MDM2: variants seen among roughly 807,000 people sequenced by gnomAD.
MDM2 encodes E3 ubiquitin-protein ligase Mdm2.
In MDM2, 11 loss-of-function variants were observed where a neutral mutation model predicts 64.3. That is an observed-to-expected ratio of 0.17 (90% confidence interval 0.11 to 0.28). The LOEUF (loss-of-function observed/expected upper bound fraction) is 0.28. Among genes scored for constraint, MDM2 ranks in the 10% least tolerant of loss-of-function variants. MDM2 has a pLI of 1.00. For synonymous variants in MDM2, 194 were observed against 192.9 expected, an observed-to-expected ratio of 1.01 and a Z score of -0.05; for missense variants, 388 against 577.1, an observed-to-expected ratio of 0.67 and a Z score of 3.36.
chr12:68,844,168 ATGAT>A lies in MDM2; in HGVS notation c.*4321_*4324del, dbSNP rs1884062442. The A allele has an allele frequency of 4.8e-6, 1 of 207,748 alleles. No individual in the cohort carries two copies. The highest frequency in any genetic ancestry group is 2.3e-5 in the African/African-American group (1 of 43,912). 12.9% of individuals were successfully genotyped at this position (207,748 alleles called of 1,614,324 possible). A position where few individuals can be genotyped will look rare whatever the true frequency, so the allele number is the denominator to read the frequency against. ...TTTATAGTACACGTGTTGAAAATAA[ATGAT>A]TAAGAATTGTTTCAAGAATGCAATT... On this transcript the variant is annotated 3_prime_UTR_variant, in exon 11 of 11. Coordinates refer to ENST00000258149, the MANE Select transcript of MDM2 (RefSeq NM_002392.6).
intron 4 of MDM2, 22 bp from the exon 5 acceptor site, chr12:68,820,303 T>G: frequency 6.8e-7 from 1 of 1,469,082 alleles, no homozygotes; most frequent in Non-Finnish European, 9.3e-7. Context: ...CTCTTGTTAT[T>G]TTTTTTTTTT....
chr12:68,808,617 G>A, intron 1 of MDM2, 126 bp downstream of exon 1: 5 of 1,384,854 alleles, frequency 3.6e-6, no homozygotes, highest in East Asian at 2.6e-5. Flanking sequence ...CTCGGGGCGC[G>A]GGGCGCGGGG....
rs961939630 is a variant in MDM2 at position 68,844,758 on chromosome 12, G to T, written c.*4909G>T. Reference sequence around the variant, plus strand: ...AAGATTTTTTAAATCCTTAATAAGGGTTTTATTTTATTTTTATTTATTTTT... The same window carrying T: ...AAGATTTTTTAAATCCTTAATAAGGTTTTTATTTTATTTTTATTTATTTTT... On this transcript the variant is annotated 3_prime_UTR_variant, in exon 11 of 11. Transcript: ENST00000258149. 1.4e-4 allele frequency: 30 copies of T among 207,532 alleles called. No homozygotes were observed. The highest frequency in any genetic ancestry group is 2.8e-4 in the Non-Finnish European group (29 of 101,862). 12.9% of individuals were successfully genotyped at this position (207,532 alleles called of 1,614,324 possible). A position where few individuals can be genotyped will look rare whatever the true frequency, so the allele number is the denominator to read the frequency against.
chr12:68,839,349 C>A lies in MDM2; in HGVS notation c.994C>A (p.Arg332Ser), dbSNP rs773519801. ...PSHCNRCWAL[R>S]ENWLPEDKGK... ...ACATTGCAACAGATGTTGGGCCCTT[C>A]GTGAGAATTGGCTTCCTGAAGATAA... The change falls in exon 11 of 11, where the codon CGT becomes AGT. Residue 332 changes from arginine (R) to serine (S), a missense_variant. Around this residue, in one of 5 missense-constraint regions of MDM2, gnomAD observed 138 missense variants for 143.7 expected, o/e 0.96. Coordinates refer to ENST00000258149, the MANE Select transcript of MDM2 (RefSeq NM_002392.6). The A allele has an allele frequency of 6.2e-7, 1 of 1,613,810 alleles. No individual in the cohort carries two copies. Among genetic ancestry groups the A allele is most frequent in the Non-Finnish European group, 8.5e-7 (1 of 1,179,996 alleles).
rs1643875680 is a variant in MDM2, at chr12:68,843,987, C to T, written c.*4138C>T. On this transcript the variant is annotated 3_prime_UTR_variant, in exon 11 of 11. Coordinates refer to ENST00000258149, the MANE Select transcript of MDM2 (RefSeq NM_002392.6). Reference sequence around the variant, plus strand: ...TACTGAAGCTAGAACCAAGCAGAATCTGTTTTTTTCTGAGGAGTATCGGTA... The same window carrying T: ...TACTGAAGCTAGAACCAAGCAGAATTTGTTTTTTTCTGAGGAGTATCGGTA... 4 of 207,852 alleles carry T rather than the reference C, an allele frequency of 1.9e-5. No individual in the cohort carries two copies. The South Asian group carries it at 7.5e-4, about 39-fold the overall frequency. The allele number at this position is 207,852 out of a possible 1,614,324, so 12.9% of individuals were successfully genotyped here.
At position 68,844,229 on chromosome 12, in the gene MDM2, A is replaced by G. The variant is rs1884068225; in HGVS notation, c.*4380A>G. 4.7e-6 allele frequency: 1 copy of G among 212,150 alleles called. No homozygotes were observed. Among genetic ancestry groups the G allele is most frequent in the African/African-American group, 2.3e-5 (1 of 44,154 alleles). The allele number at this position is 212,150 out of a possible 1,614,324, so 13.1% of individuals were successfully genotyped here. A position where few individuals can be genotyped will look rare whatever the true frequency, so the allele number is the denominator to read the frequency against. On this transcript the variant is annotated 3_prime_UTR_variant, in exon 11 of 11. Transcript: ENST00000258149. ...TCTTAAATTTTTATGAGTTGTTAAA[A>G]TAGAAATTATTTGAATATCATATAT...
intron 4 of MDM2, among the ~76,000 whole-genome samples, chr12:68,817,396 T>G (rs1881473971): frequency 6.6e-6 from 1 of 152,164 alleles, no homozygotes; most frequent in Non-Finnish European, 1.5e-5. Flanking sequence ...ATTTTGGAGA[T>G]CATTTTCATT....
chr12:68,829,260 T>C (rs953848037), intron 8 of MDM2, among the ~76,000 whole-genome samples: 1 of 151,496 alleles, frequency 6.6e-6, no homozygotes, highest in Admixed American at 6.6e-5. Context: ...ATAGAGTTGT[T>C]TGAGAATTTG....
intron 8 of MDM2, among the ~76,000 whole-genome samples, chr12:68,833,774 C>T (rs1223277526): frequency 5.3e-5 from 8 of 152,154 alleles, no homozygotes; most frequent in African/African-American, 1.9e-4. Context: ...CCACAGTTTG[C>T]AGACCCCTAC....
downstream of MDM2, chr12:68,846,571 C>T (rs1348090278): frequency 6.6e-6 from 1 of 152,114 alleles, no homozygotes; most frequent in African/African-American, 2.4e-5. Flanking sequence ...GATTTCACTA[C>T]GTTTGGTCCT....
rs7975027 is a variant in MDM2 at position 68,845,183 on chromosome 12, T to C, written c.*5334T>C. On this transcript the variant is annotated 3_prime_UTR_variant, in exon 11 of 11. Transcript: ENST00000258149. ...TTGCGCTTTATGGGTGGATGCTGAA[T>C]TACATTTTGATTTGATACTTATAAA... is the stretch of plus-strand genomic sequence containing the variant. 15,132 of 220,578 alleles carry C rather than the reference T, an allele frequency of 0.069. 2,294 individuals are homozygous for C. Among genetic ancestry groups the C allele is most frequent in the African/African-American group, 0.32 (14,122 of 44,498 alleles). The allele number at this position is 220,578 out of a possible 1,614,324, so 13.7% of individuals were successfully genotyped here. A position where few individuals can be genotyped will look rare whatever the true frequency, so the allele number is the denominator to read the frequency against.
intron 6 of MDM2, 27 bp downstream of exon 6, chr12:68,824,457 A>G (rs1882133391): frequency 6.2e-7 from 1 of 1,606,256 alleles, no homozygotes; most frequent in Non-Finnish European, 8.5e-7. Context: ...TCTCATTCTA[A>G]TGTAATATTA....
chr12:68,809,855 C>A (rs1880707485), intron 2 of MDM2, among the ~76,000 whole-genome samples: 1 of 152,088 alleles, frequency 6.6e-6, no homozygotes, highest in Non-Finnish European at 1.5e-5. Context: ...CTACAGAATT[C>A]TTTTTAATGG....
At chr12:68,845,959 TGCCACCC>T (rs1422076535), downstream of MDM2, 1 of 101,684 alleles carries the variant, frequency 9.8e-6, no homozygotes, top group East Asian at 2.9e-4. Flanking sequence ...CCGACCCCGC[TGCCACCC>T]GCCCTGAGAC....
Position 68,809,225 on chromosome 12 carries a change from A to C in MDM2, c.32A>C (p.Asn11Thr). The C allele has an allele frequency of 1.9e-6, 3 of 1,613,768 alleles. No homozygotes were observed. The highest frequency in any genetic ancestry group is 2.5e-6 in the Non-Finnish European group (3 of 1,179,790). The change falls in exon 2 of 11, where the codon AAC becomes ACC. Residue 11 changes from asparagine (N) to threonine (T), a missense_variant. Around this residue, in one of 5 missense-constraint regions of MDM2, gnomAD observed 46 missense variants for 45.2 expected, o/e 1.02. Coordinates refer to ENST00000258149, the MANE Select transcript of MDM2 (RefSeq NM_002392.6). MVRSRQMCNT[N>T]MSVPTDGAVT... The stretch of plus-strand genomic sequence containing the variant: ...CCTTGTAGGCAAATGTGCAATACCA[A>C]CATGTCTGTACCTACTGATGGTGCT...
chr12:68,824,821 A>G (rs1179870989), intron 7 of MDM2, 170 bp downstream of exon 7: 1 of 591,292 alleles, frequency 1.7e-6, no homozygotes, highest in Non-Finnish European at 2.9e-6. Flanking sequence ...TTGCTTATTT[A>G]GCAATATTTT....
chr12:68,844,484 T>C lies in MDM2; in HGVS notation c.*4635T>C, dbSNP rs1224104340. 8.8e-6 allele frequency: 2 copies of C among 228,176 alleles called. No individual in the cohort carries two copies. The highest frequency in any genetic ancestry group is 1.7e-5 in the Non-Finnish European group (2 of 114,972). 14.1% of individuals were successfully genotyped at this position (228,176 alleles called of 1,614,324 possible). A position where few individuals can be genotyped will look rare whatever the true frequency, so the allele number is the denominator to read the frequency against. The stretch of plus-strand genomic sequence containing the variant: ...GGCCTAAGTGATCGTGAATGGTCTA[T>C]AAGGGAGGTAGCTGGGACAGGGAGG... On this transcript the variant is annotated 3_prime_UTR_variant, in exon 11 of 11. Transcript: ENST00000258149.
chr12:68,808,293 C>G lies in MDM2; in HGVS notation c.-185C>G, dbSNP rs1193689526. 4 of 719,726 alleles carry G rather than the reference C, an allele frequency of 5.6e-6. No homozygotes were observed. Among genetic ancestry groups the G allele is most frequent in the Non-Finnish European group, 4.6e-6 (2 of 431,766 alleles). 44.6% of individuals were successfully genotyped at this position (719,726 alleles called of 1,614,324 possible). On this transcript the variant is annotated 5_prime_UTR_variant, in exon 1 of 11. Coordinates refer to ENST00000258149, the MANE Select transcript of MDM2 (RefSeq NM_002392.6). ...GAGGGGCGGCCGCGACCCCTCTGACCGAGATCCTGCTGCTTTCGCAGCCAG... is the reference window on the plus strand; with the variant it reads ...GAGGGGCGGCCGCGACCCCTCTGACGGAGATCCTGCTGCTTTCGCAGCCAG...
chr12:68,808,288 C>A lies in MDM2; in HGVS notation c.-190C>A. The A allele has an allele frequency of 1.4e-6, 1 of 695,762 alleles. No homozygotes were observed. The highest frequency in any genetic ancestry group is 1.7e-5 in the South Asian group (1 of 57,680). 43.1% of individuals were successfully genotyped at this position (695,762 alleles called of 1,614,324 possible). The stretch of plus-strand genomic sequence containing the variant: ...AGCCCGAGGGGCGGCCGCGACCCCT[C>A]TGACCGAGATCCTGCTGCTTTCGCA... On this transcript the variant is annotated 5_prime_UTR_variant, in exon 1 of 11. It adds an upstream start codon to the 5' untranslated region. Transcript: ENST00000258149.
Sources: gnomAD v4.1 joint callset for allele counts (sites outside exome capture counted in the v4.1 genomes callset) on GRCh38, gnomAD v4.1.1 for gene constraint, gnomAD v4.1.1 regional missense constraint, MANE v1.5 for transcripts, NCBI Gene and HGNC (gene_info 2026-07-23, HGNC 2026-07-21) for gene names.